CUX1: variants seen among roughly 807,000 people sequenced by gnomAD.
CUX1 encodes the protein cut like homeobox 1.
CUX1 carries 31 observed loss-of-function variants against 158.8 expected under a neutral mutation model. That is an observed-to-expected ratio of 0.20 (90% confidence interval 0.15 to 0.26). CUX1 has a LOEUF of 0.26. Among genes scored for constraint, CUX1 ranks in the 10% least tolerant of loss-of-function variants. The probability of loss-of-function intolerance (pLI) is 1.00; values close to 1 mark genes in which losing one functional copy is unlikely to be tolerated. For missense variants in CUX1, 1,589 were observed against 2,014.6 expected (o/e 0.79, Z 4.04); for synonymous variants, 879 against 862.1 (o/e 1.02, Z -0.34).
At chr7:102,031,355 G>A (rs1192001579) in intron 3 of CUX1, among the ~76,000 whole-genome samples, 2 of 152,136 alleles carry the variant, frequency 1.3e-5, no homozygotes, top group Admixed American at 1.3e-4. Context: ...GAGCCACCGC[G>A]CCTGGCCTGA....
chr7:102,175,475 A>C (rs985497144), intron 10 of CUX1, among the ~76,000 whole-genome samples: 3 of 151,970 alleles, frequency 2.0e-5, no homozygotes, highest in South Asian at 4.1e-4. Flanking sequence ...CTTGCTCCAG[A>C]GCTGGCAGGG....
At position 102,253,720 on chromosome 7, in the gene CUX1, T is replaced by C. The variant is rs544390080; in HGVS notation, c.*4678T>C. The C allele has an allele frequency of 8.1e-6, 8 of 985,302 alleles. No individual in the cohort carries two copies. The East Asian group carries it at 9.1e-4, about 112-fold the overall frequency. 61.0% of individuals were successfully genotyped at this position (985,302 alleles called of 1,614,324 possible). On this transcript the variant is annotated 3_prime_UTR_variant, in exon 24 of 24. Transcript: ENST00000292535. Reference sequence around the variant, plus strand: ...TGACAGGCGCTTCTTGGCAGACCAGTAAAAACAAAAGCCCATAGACCTTAC... The same window carrying C: ...TGACAGGCGCTTCTTGGCAGACCAGCAAAAACAAAAGCCCATAGACCTTAC...
chr7:102,092,912 C>CAAA (rs60587564), intron 4 of CUX1, among the ~76,000 whole-genome samples: 2 of 74,852 alleles, frequency 2.7e-5, no homozygotes, highest in African/African-American at 9.7e-5. Context: ...GACTCCGTCT[C>CAAA]AAAAAAAAAA....
intron 2 of CUX1, among the ~76,000 whole-genome samples, chr7:101,984,520 C>T (rs967448462): frequency 2.1e-5 from 3 of 144,180 alleles, no homozygotes; most frequent in Non-Finnish European, 3.0e-5. Context: ...AAAAAAAGTG[C>T]TTGCAGTGAG....
Position 101,980,595 on chromosome 7 carries a change from A to C in CUX1, c.142-47503A>C, listed in dbSNP as rs984159771. ...AGTGAAAAATGACACAATCCAAAGTAGGTGGCAGATTGGTTCTCACTCAGG... is the reference window on the plus strand; with the variant it reads ...AGTGAAAAATGACACAATCCAAAGTCGGTGGCAGATTGGTTCTCACTCAGG... On this transcript the variant is annotated intron_variant, in intron 2 of 23. Transcript: ENST00000292535. 9.2e-5 allele frequency among the ~76,000 whole-genome samples: 14 copies of C among 152,342 alleles called. 1 individual carries two copies. The South Asian group carries it at 2.7e-3, about 29-fold the overall frequency.
chr7:102,187,414 T>G (rs575492426), intron 11 of CUX1, among the ~76,000 whole-genome samples: 1 of 152,296 alleles, frequency 6.6e-6, no homozygotes, highest in African/African-American at 2.4e-5. Context: ...CTTTGCTTTG[T>G]GCAAACCCTT....
rs782173137 is a variant in CUX1, at chr7:102,202,052, A to G, written c.2755A>G (p.Met919Val). 4.2e-5 allele frequency: 68 copies of G among 1,613,958 alleles called. No individual in the cohort carries two copies. Among genetic ancestry groups the G allele is most frequent in the Non-Finnish European group, 5.7e-5 (67 of 1,179,996 alleles). The change falls in exon 18 of 24, where the codon ATG becomes GTG. Residue 919 changes from methionine to valine, a missense_variant. Around this residue, in one of 8 missense-constraint regions of CUX1, gnomAD observed 337 missense variants for 409.3 expected, o/e 0.82. Coordinates refer to ENST00000292535, the MANE Select transcript of CUX1 (RefSeq NM_181552.4). ...CCTGCCATCCTCCCCGATCGTGCCC[A>G]TGTCCAAGCCCACCAAGCCCTCGGT... Reference protein sequence around the residue: ...SPLPSSPIVPMSKPTKPSVPP... With the variant: ...SPLPSSPIVPVSKPTKPSVPP...
At chr7:102,167,649 A>G (rs2131651245) in intron 9 of CUX1, among the ~76,000 whole-genome samples, 1 of 152,354 alleles carries the variant, frequency 6.6e-6, no homozygotes, top group Middle Eastern at 3.4e-3. Context: ...TTTCTGCCCA[A>G]GAGTTGAACT....
At chr7:101,817,096 T>C (rs957041913), upstream of CUX1, 1 of 984,134 alleles carries the variant, frequency 1.0e-6, no homozygotes, top group African/African-American at 1.8e-5. This position sits in a 1 kb window ranked among gnomAD's most constrained non-coding sequence, Gnocchi z 4.1. Flanking sequence ...CCGCGCGCAG[T>C]GTCGCTGGGT....
At chr7:101,887,782 C>CAAA (rs1800383227) in intron 1 of CUX1, among the ~76,000 whole-genome samples, 1 of 150,994 alleles carries the variant, frequency 6.6e-6, no homozygotes, top group African/African-American at 2.4e-5. Context: ...ACATTTCTTG[C>CAAA]TTTTAGGACC....
At chr7:101,907,513 T>C (rs1398665366) in intron 1 of CUX1, among the ~76,000 whole-genome samples, 1 of 152,044 alleles carries the variant, frequency 6.6e-6, no homozygotes, top group African/African-American at 2.4e-5. Flanking sequence ...CACACCCGGC[T>C]AATTTTTGTA....
At chr7:101,941,628 CTGGAT>C (rs1415197559) in intron 2 of CUX1, among the ~76,000 whole-genome samples, 2 of 152,206 alleles carry the variant, frequency 1.3e-5, no homozygotes, top group Non-Finnish European at 2.9e-5. Flanking sequence ...CATTCTGAGA[CTGGAT>C]CCCTCTCTTC....
rs1820261761 is a variant in CUX1 at position 102,028,151 on chromosome 7, C to T, written c.189+6C>T. 1 of 1,613,098 alleles carries T rather than the reference C, an allele frequency of 6.2e-7. No homozygotes were observed. The highest frequency in any genetic ancestry group is 1.7e-5 in the Admixed American group (1 of 60,004). On this transcript the variant is annotated splice_donor_region_variant and intron_variant, in intron 3 of 23. Transcript: ENST00000292535. The stretch of plus-strand genomic sequence containing the variant: ...TGAAGAGTTTCCAAGGAGAGGTAAG[C>T]TTTTCTATTCATTTTCTATCCTGAG...
chr7:102,109,866 AT>A (rs1554489573), intron 6 of CUX1, among the ~76,000 whole-genome samples: 4 of 152,190 alleles, frequency 2.6e-5, no homozygotes, highest in African/African-American at 9.6e-5. Context: ...TCTCCAACAG[AT>A]TCACTCTCAA....
chr7:101,830,805 T>A (rs1432764051), intron 1 of CUX1, among the ~76,000 whole-genome samples: 1 of 152,172 alleles, frequency 6.6e-6, no homozygotes, highest in African/African-American at 2.4e-5. Flanking sequence ...TGCACTTTGT[T>A]TTGTTAAAAA....
intron 4 of CUX1, among the ~76,000 whole-genome samples, chr7:102,081,134 C>G (rs145680350): frequency 3.9e-5 from 6 of 152,322 alleles, no homozygotes; most frequent in African/African-American, 9.6e-5. Flanking sequence ...GTGGCCTTCT[C>G]CTCTTCCTCT....
Position 102,276,011 on chromosome 7 carries a change from CA to C in CUX1, c.1563+667del, listed in dbSNP as rs35522723. On this transcript the variant is annotated intron_variant, in intron 17 of 22. Coordinates refer to the CUX1 transcript ENST00000292538. ...TGTGTGACAGAGCAAGACTCCATCT[CA>C]AAAAAAAAAAAAAATCCTTCCTTTT... Among the ~76,000 whole-genome samples, 600 of 137,214 alleles carry C rather than the reference CA, an allele frequency of 4.4e-3. 1 individual carries two copies. Among genetic ancestry groups the C allele is most frequent in the African/African-American group, 0.011 (422 of 37,096 alleles). The allele number at this position is 137,214 out of a possible 152,430, so 90.0% of individuals were successfully genotyped here.
intron 23 of CUX1, among the ~76,000 whole-genome samples, chr7:102,244,776 C>T (rs1469065442): frequency 6.6e-6 from 1 of 152,154 alleles, no homozygotes; most frequent in Non-Finnish European, 1.5e-5. Context: ...GGACACTGCT[C>T]TCCCCTGGAA....
chr7:102,223,375 A>G (rs1554527720), intron 20 of CUX1, among the ~76,000 whole-genome samples: 1 of 152,156 alleles, frequency 6.6e-6, no homozygotes, highest in Non-Finnish European at 1.5e-5. Context: ...TGTGGGAGAA[A>G]TAGCACTCAG....
Sources: gnomAD v4.1 joint callset for allele counts (sites outside exome capture counted in the v4.1 genomes callset) on GRCh38, gnomAD v4.1.1 for gene constraint, gnomAD v4.1.1 regional missense constraint, Gnocchi (gnomAD v3.1) non-coding constraint, MANE v1.5 for transcripts, NCBI Gene and HGNC (gene_info 2026-07-23, HGNC 2026-07-21) for gene names.